BARX2: variants seen among roughly 807,000 people sequenced by gnomAD.
The protein encoded by BARX2 is homeobox protein BarH-like 2.
In BARX2, 11 loss-of-function variants were observed where a neutral mutation model predicts 25.5. That is an observed-to-expected ratio of 0.43 (90% CI 0.27 to 0.71). BARX2 has a LOEUF of 0.71. Ranked by LOEUF, BARX2 falls within the 30% of genes least tolerant of loss-of-function variation. The pLI, the probability that BARX2 is intolerant of heterozygous loss-of-function variation, is 0.19. For missense variants in BARX2, 360 were observed against 359.9 expected (o/e 1.00, Z 0.00); for synonymous variants, 137 against 149.5 (o/e 0.92, Z 0.61).
At chr11:129,425,243 C>T (rs1591441444) in intron 1 of BARX2, among the ~76,000 whole-genome samples, 2 of 152,126 alleles carry the variant, frequency 1.3e-5, no homozygotes, top group South Asian at 2.1e-4. Flanking sequence ...TTTTCAATCT[C>T]GTGAGAAACA....
chr11:129,407,928 G>A (rs1161774455), intron 1 of BARX2, among the ~76,000 whole-genome samples: 3 of 151,200 alleles, frequency 2.0e-5, no homozygotes, highest in East Asian at 2.0e-4. Flanking sequence ...CAGGCTGGGC[G>A]CGGTGGCTCA....
Position 129,376,270 on chromosome 11 carries a change from C to A in BARX2, c.187+48C>A. On this transcript the variant is annotated intron_variant, in intron 1 of 3. Transcript: ENST00000281437. This position sits in a 1 kb window ranked among gnomAD's most constrained non-coding sequence, Gnocchi z 4.2. Reference sequence around the variant, plus strand: ...AAGTGGGGTTCGGTAGCTTTCACGTCCGTGTAGGTGGCCTGTGCTTTGCGA... The same window carrying A: ...AAGTGGGGTTCGGTAGCTTTCACGTACGTGTAGGTGGCCTGTGCTTTGCGA... 1 of 1,524,062 alleles carries A rather than the reference C, an allele frequency of 6.6e-7. No individual in the cohort carries two copies. The highest frequency in any genetic ancestry group is 8.9e-7 in the Non-Finnish European group (1 of 1,123,000). The allele number at this position is 1,524,062 out of a possible 1,614,324, so 94.4% of individuals were successfully genotyped here. A position where few individuals can be genotyped will look rare whatever the true frequency, so the allele number is the denominator to read the frequency against.
chr11:129,418,027 GAAT>G (rs1198003089), intron 1 of BARX2, among the ~76,000 whole-genome samples: 2 of 152,156 alleles, frequency 1.3e-5, no homozygotes, highest in Non-Finnish European at 2.9e-5. Context: ...TCTGTAGAGA[GAAT>G]GATGATTTTT....
At chr11:129,416,016 G>A (rs1340705056) in intron 1 of BARX2, among the ~76,000 whole-genome samples, 9 of 152,168 alleles carry the variant, frequency 5.9e-5, no homozygotes, top group Non-Finnish European at 1.0e-4. Flanking sequence ...CAGAGATATG[G>A]ATTCCTTTTG....
intron 3 of BARX2, among the ~76,000 whole-genome samples, chr11:129,444,368 C>T (rs1469996760): frequency 6.6e-6 from 1 of 152,144 alleles, no homozygotes; most frequent in East Asian, 1.9e-4. Flanking sequence ...GGACCTGACC[C>T]TGAAATGAAA....
intron 1 of BARX2, among the ~76,000 whole-genome samples, chr11:129,418,296 T>C (rs533106981): frequency 1.3e-5 from 2 of 152,240 alleles, no homozygotes; most frequent in Non-Finnish European, 2.9e-5. Context: ...AACAGCTGGC[T>C]GTAAATCTGA....
In BARX2 at chr11:129,436,440, C is replaced by G. The variant is rs1037494844; in HGVS notation, c.188-311C>G. Reference sequence around the variant, plus strand: ...TTCCTGACTACTTCTTTTCATCTGCCTGGTCCCATGGACCAAGAATTTAGG... The same window carrying G: ...TTCCTGACTACTTCTTTTCATCTGCGTGGTCCCATGGACCAAGAATTTAGG... On this transcript the variant is annotated intron_variant, in intron 1 of 3. Coordinates refer to ENST00000281437, the MANE Select transcript of BARX2 (RefSeq NM_003658.5). The surrounding 1 kb of genome is among the most constrained non-coding windows in gnomAD (Gnocchi z 4.5). 1.1e-4 allele frequency: 38 copies of G among 351,230 alleles called. No homozygotes were observed. The highest frequency in any genetic ancestry group is 1.7e-4 in the Non-Finnish European group (34 of 195,828). The allele number at this position is 351,230 out of a possible 1,614,324, so 21.8% of individuals were successfully genotyped here.
chr11:129,451,176 G>A lies in BARX2; in HGVS notation c.614G>A (p.Gly205Asp), dbSNP rs1226728075. 2 of 1,614,066 alleles carry A rather than the reference G, an allele frequency of 1.2e-6. No homozygotes were observed. Among genetic ancestry groups the A allele is most frequent in the Admixed American group, 1.7e-5 (1 of 60,000 alleles). Reference sequence around the variant, plus strand: ...CAGGAAGCACCCACAAAACCCAAAGGTCGCCCCAAGAAGAACTCCATCCCC... The same window carrying A: ...CAGGAAGCACCCACAAAACCCAAAGATCGCCCCAAGAAGAACTCCATCCCC... ...GGQEAPTKPKGRPKKNSIPTS... is the reference protein window; with the variant it reads ...GGQEAPTKPKDRPKKNSIPTS... The change falls in exon 4 of 4, where the codon GGT becomes GAT. Residue 205 changes from glycine (G) to aspartate (D), a missense_variant. Gly to Asp is a moderately conservative substitution (Grantham distance 94, BLOSUM62 -1). This residue lies in a region of BARX2 where 114 missense variants were observed against 109.4 expected (regional missense o/e 1.04). Coordinates refer to ENST00000281437, the MANE Select transcript of BARX2 (RefSeq NM_003658.5).
chr11:129,417,767 A>C (rs1393897489), intron 1 of BARX2, among the ~76,000 whole-genome samples: 1 of 152,212 alleles, frequency 6.6e-6, no homozygotes, highest in Non-Finnish European at 1.5e-5. Flanking sequence ...GTCAGATCAT[A>C]ACAGTAGCCT....
chr11:129,409,577 T>C (rs186948484), intron 1 of BARX2, among the ~76,000 whole-genome samples: 5 of 152,332 alleles, frequency 3.3e-5, no homozygotes, highest in Admixed American at 1.3e-4. Context: ...ATTTTTAGGA[T>C]TGATAACTTT....
chr11:129,378,562 T>A (rs1169865478), intron 1 of BARX2, among the ~76,000 whole-genome samples: 4 of 107,254 alleles, frequency 3.7e-5, no homozygotes, highest in African/African-American at 1.4e-4. Flanking sequence ...CTTTTCTTTT[T>A]CTTTTTTTTT....
intron 1 of BARX2, among the ~76,000 whole-genome samples, chr11:129,394,490 A>G (rs867256948): frequency 4.6e-5 from 7 of 152,188 alleles, no homozygotes; most frequent in African/African-American, 1.7e-4. Flanking sequence ...CTAACTACCT[A>G]TGAAGTGGGT....
intron 1 of BARX2, among the ~76,000 whole-genome samples, chr11:129,408,278 C>T (rs1861853065): frequency 2.0e-5 from 3 of 152,026 alleles, no homozygotes; most frequent in East Asian, 3.9e-4. Flanking sequence ...TTAAAAATCC[C>T]GATGATGTCA....
intron 2 of BARX2, among the ~76,000 whole-genome samples, chr11:129,440,183 A>G (rs1862240452): frequency 6.6e-6 from 1 of 152,214 alleles, no homozygotes; most frequent in Non-Finnish European, 1.5e-5. Context: ...ATTTAAGCGA[A>G]TATGCAGGGA....
chr11:129,436,805 C>G lies in BARX2; in HGVS notation c.242C>G (p.Thr81Ser). 1.2e-6 allele frequency: 2 copies of G among 1,612,874 alleles called. No individual in the cohort carries two copies. The highest frequency in any genetic ancestry group is 1.7e-6 in the Non-Finnish European group (2 of 1,179,378). The stretch of plus-strand genomic sequence containing the variant: ...CTCTCGGTGATCACCCGCCAGCCCA[C>G]TGTCATCTCCCACCTGGTCCCTGCC... ...PLLSVITRQPTVISHLVPATP... is the reference protein window; with the variant it reads ...PLLSVITRQPSVISHLVPATP... The change falls in exon 2 of 4, where the codon ACT becomes AGT. Residue 81 changes from threonine (T) to serine (S), a missense_variant. Transcript: ENST00000281437. This position sits in a 1 kb window ranked among gnomAD's most constrained non-coding sequence, Gnocchi z 4.5.
chr11:129,415,225 CATG>C (rs1373106164), intron 1 of BARX2, among the ~76,000 whole-genome samples: 2 of 152,106 alleles, frequency 1.3e-5, no homozygotes, highest in Non-Finnish European at 2.9e-5. Flanking sequence ...TATTGATGAT[CATG>C]ATGAGTTTCA....
At chr11:129,427,091 C>G (rs1269552625) in intron 1 of BARX2, among the ~76,000 whole-genome samples, 1 of 152,160 alleles carries the variant, frequency 6.6e-6, no homozygotes, top group Non-Finnish European at 1.5e-5. Flanking sequence ...GAAAATTAAT[C>G]TACTTTAATT....
chr11:129,416,313 C>A (rs563297634), intron 1 of BARX2, among the ~76,000 whole-genome samples: 27 of 151,768 alleles, frequency 1.8e-4, no homozygotes, highest in Admixed American at 8.5e-4. Context: ...GGCTAGGGGG[C>A]GGAGGTGGGA....
intron 1 of BARX2, among the ~76,000 whole-genome samples, chr11:129,411,995 G>A (rs1318661866): frequency 2.0e-5 from 3 of 152,242 alleles, no homozygotes; most frequent in East Asian, 1.9e-4. Flanking sequence ...GTTTATGGCC[G>A]GGCACGGTGG....
Sources: allele counts gnomAD v4.1 joint callset (sites outside exome capture counted in the v4.1 genomes callset), GRCh38; gene constraint gnomAD v4.1.1; regional missense constraint gnomAD v4.1.1; non-coding constraint Gnocchi (gnomAD v3.1); transcripts MANE v1.5; gene names NCBI Gene and HGNC (gene_info 2026-07-23, HGNC 2026-07-21).